Variants in CIT observed in about 807,000 individuals in gnomAD.
The protein encoded by CIT is citron Rho-interacting kinase.
In CIT, 79 loss-of-function variants were observed where a neutral mutation model predicts 272.7. The ratio of observed to expected loss-of-function variants is 0.29; its 90% CI spans 0.24 to 0.35. The LOEUF (loss-of-function observed/expected upper bound fraction) is 0.35. Ranked by LOEUF, CIT falls within the 10% of genes least tolerant of loss-of-function variation. CIT has a pLI of 1.00. For missense variants in CIT, 1,909 were observed against 2,618.3 expected, an observed-to-expected ratio of 0.73 and a Z score of 5.91; for synonymous variants, 948 against 995.6, an observed-to-expected ratio of 0.95 and a Z score of 0.90.
intron 26 of CIT, among the ~76,000 whole-genome samples, chr12:119,731,674 A>C (rs1346374523): frequency 4.6e-5 from 7 of 151,250 alleles, no homozygotes; most frequent in Non-Finnish European, 1.5e-5. Flanking sequence ...CTCCTTTGCT[A>C]CTCTGCAAAC....
At chr12:119,794,809 A>G (rs1479846782) in intron 10 of CIT, among the ~76,000 whole-genome samples, 1 of 152,204 alleles carries the variant, frequency 6.6e-6, no homozygotes, top group Non-Finnish European at 1.5e-5. Context: ...GGACCTAAAT[A>G]ACATTAACAA....
intron 26 of CIT, 37 bp from the exon 27 acceptor site, chr12:119,730,667 C>T: frequency 3.7e-6 from 6 of 1,600,494 alleles, no homozygotes; most frequent in South Asian, 2.2e-5. Flanking sequence ...TGGTAGCCCC[C>T]CAACAGCTGA....
rs192197362 is a variant in CIT at position 119,765,143 on chromosome 12, G to C, written c.2304+1944C>G. 3.4e-3 allele frequency among the ~76,000 whole-genome samples: 522 copies of C among 151,948 alleles called. 1 individual carries two copies. The highest frequency in any genetic ancestry group is 0.012 in the African/African-American group (497 of 41,460). ...TCTTAAAAGGAAAAGAGAGAAGGGG[G>C]AAGAGACAATATTTGAGATATAATG... On this transcript the variant is annotated intron_variant, in intron 19 of 47. Transcript: ENST00000392521.
intron 1 of CIT, 109 bp from the exon 2 acceptor site, chr12:119,876,290 A>G: frequency 3.2e-6 from 2 of 633,780 alleles, no homozygotes; most frequent in South Asian, 2.0e-5. Context: ...AAAATCAGCT[A>G]CCACTCCAGT....
chr12:119,714,629 C>G (rs1324909231), intron 32 of CIT, among the ~76,000 whole-genome samples: 1 of 152,110 alleles, frequency 6.6e-6, no homozygotes, highest in Non-Finnish European at 1.5e-5. Context: ...AAACCCCAAG[C>G]AGACACCACT....
intron 3 of CIT, among the ~76,000 whole-genome samples, chr12:119,864,438 C>G (rs1257137449): frequency 6.6e-6 from 1 of 152,148 alleles, no homozygotes; most frequent in Non-Finnish European, 1.5e-5. Flanking sequence ...CAGCTTCAAG[C>G]AATTCTCCAG....
At chr12:119,809,679 T>TGATTGTA (rs1171014270) in intron 9 of CIT, among the ~76,000 whole-genome samples, 3 of 152,230 alleles carry the variant, frequency 2.0e-5, no homozygotes, top group African/African-American at 7.2e-5. Context: ...CTGCCTTGTC[T>TGATTGTA]GATTGTAGGT....
chr12:119,760,817 C>T, intron 20 of CIT, 122 bp downstream of exon 20: 1 of 724,396 alleles, frequency 1.4e-6, no homozygotes, highest in Non-Finnish European at 2.4e-6. Context: ...CTATTACCAA[C>T]AACTCCACAG....
At position 119,787,573 on chromosome 12, in the gene CIT, T is replaced by C. The variant is rs371188122; in HGVS notation, c.1296-2508A>G. ...GGTGAAACCTCGTCTCTACTAAAAA[T>C]ACAAAAAATTAGCCAGGCCTGGTGG... On this transcript the variant is annotated intron_variant, in intron 10 of 47. Coordinates refer to ENST00000392521, the MANE Select transcript of CIT (RefSeq NM_001206999.2). Among the ~76,000 whole-genome samples the C allele has an allele frequency of 2.0e-5, 3 of 150,344 alleles. No homozygotes were observed. In the South Asian group the frequency reaches 6.3e-4, roughly 32 times the overall value.
intron 19 of CIT, among the ~76,000 whole-genome samples, chr12:119,766,450 A>T (rs1039505197): frequency 1.3e-5 from 2 of 152,168 alleles, no homozygotes; most frequent in Non-Finnish European, 2.9e-5. Context: ...ACTCATGGAC[A>T]TAGAGTATAG....
intron 16 of CIT, among the ~76,000 whole-genome samples, chr12:119,774,322 G>A (rs1963517823): frequency 6.6e-6 from 1 of 151,978 alleles, no homozygotes; most frequent in Non-Finnish European, 1.5e-5. Context: ...AAAGAAGAAG[G>A]AGGAGGAGGA....
intron 39 of CIT, among the ~76,000 whole-genome samples, chr12:119,709,787 A>AGAGT (rs1319008959): frequency 8.4e-5 from 9 of 107,634 alleles, no homozygotes; most frequent in South Asian, 3.7e-4. Context: ...AGAGAGAGAG[A>AGAGT]GTGTGTGTGT....
chr12:119,754,879 G>A (rs1437531018), intron 22 of CIT, among the ~76,000 whole-genome samples: 1 of 152,224 alleles, frequency 6.6e-6, no homozygotes, highest in Non-Finnish European at 1.5e-5. Flanking sequence ...AGCTACAGCA[G>A]CAGGGCAGGC....
chr12:119,840,979 G>T (rs530770545), intron 5 of CIT, among the ~76,000 whole-genome samples: 2 of 152,002 alleles, frequency 1.3e-5, no homozygotes, highest in Non-Finnish European at 2.9e-5. Context: ...GGAAACAAAC[G>T]CTGCCCATAA....
chr12:119,810,965 C>G (rs1353332828), intron 9 of CIT, among the ~76,000 whole-genome samples: 2 of 152,092 alleles, frequency 1.3e-5, no homozygotes, highest in African/African-American at 4.8e-5. Flanking sequence ...TCAGGCAAGC[C>G]CTCTAGTTTC....
intron 9 of CIT, among the ~76,000 whole-genome samples, chr12:119,811,239 G>A (rs1566077426): frequency 6.6e-6 from 1 of 152,100 alleles, no homozygotes; most frequent in Non-Finnish European, 1.5e-5. Flanking sequence ...GGGAGGTCAA[G>A]GCTGCAGTCA....
Position 119,701,688 on chromosome 12 carries a change from G to A in CIT, c.5478C>T (p.Phe1826=), listed in dbSNP as rs773246397. Residue 1826 remains phenylalanine (F), a synonymous_variant, in exon 43 of 48, where the codon TTC becomes TTT. Coordinates refer to ENST00000392521, the MANE Select transcript of CIT (RefSeq NM_001206999.2). ...PAVFAASSNS[F]PVSIVQVNSA... is the part of the protein sequence containing the mutation. ...TGTTCACCTGCACGATTGAGACAGG[G>A]AAGCTGTTGGAAGAGGCGGCAAACA... The A allele has an allele frequency of 3.1e-6, 5 of 1,614,090 alleles. No individual in the cohort carries two copies. In the African/African-American group the frequency reaches 6.7e-5, roughly 22 times the overall value.
intron 24 of CIT, among the ~76,000 whole-genome samples, chr12:119,738,886 GAAA>G (rs34799621): frequency 1.6e-5 from 2 of 121,886 alleles, no homozygotes; most frequent in Non-Finnish European, 3.5e-5. Flanking sequence ...TCAATCTCCA[GAAA>G]AAAAAAAAAA....
chr12:119,854,865 C>T (rs1018590542), intron 4 of CIT, among the ~76,000 whole-genome samples: 60 of 151,980 alleles, frequency 3.9e-4, no homozygotes, highest in African/African-American at 1.4e-3. Flanking sequence ...CAAGAAGAAT[C>T]GCTTGAACCT....
Sources: allele counts gnomAD v4.1 joint callset (sites outside exome capture counted in the v4.1 genomes callset), GRCh38; gene constraint gnomAD v4.1.1; transcripts MANE v1.5; gene names NCBI Gene and HGNC (gene_info 2026-07-23, HGNC 2026-07-21).